FBXL18: variants seen among roughly 807,000 people sequenced by gnomAD.
FBXL18 encodes the protein F-box and leucine rich repeat protein 18.
FBXL18 carries 36 observed loss-of-function variants against 46.0 expected under a neutral mutation model. That is an observed-to-expected ratio of 0.78 (90% confidence interval 0.60 to 1.03). The LOEUF (loss-of-function observed/expected upper bound fraction) is 1.03. FBXL18 is among the 50% of genes least tolerant of loss of function. FBXL18 has a pLI of 0.00. For missense variants in FBXL18, 977 were observed against 1,004.1 expected (o/e 0.97, Z 0.36); for synonymous variants, 557 against 465.3 (o/e 1.20, Z -2.54).
intron 4 of FBXL18, among the ~76,000 whole-genome samples, chr7:5,487,167 C>G (rs986760664): frequency 1.3e-5 from 2 of 152,180 alleles, no homozygotes; most frequent in African/African-American, 4.8e-5. Context: ...CAGGGAAGGC[C>G]GGTCAGACCC....
chr7:5,474,686 T>TTTTTTTTATTTATTTATTTA (rs1554317766), downstream of FBXL18, among the ~76,000 whole-genome samples: 2 of 39,396 alleles, frequency 5.1e-5, no homozygotes, highest in African/African-American at 2.0e-4. Flanking sequence ...GCACTTTATT[T>TTTTTTTTATTTATTTATTTA]TTTATTTATT....
intron 3 of FBXL18, among the ~76,000 whole-genome samples, chr7:5,494,019 TC>T (rs1247967184): frequency 1.3e-4 from 20 of 152,096 alleles, no homozygotes; most frequent in Admixed American, 6.5e-4. Flanking sequence ...ATGCCTGTAA[TC>T]CCAGCACTTT....
intron 1 of FBXL18, among the ~76,000 whole-genome samples, chr7:5,511,870 A>G (rs138404812): frequency 6.6e-6 from 1 of 152,034 alleles, no homozygotes; most frequent in Non-Finnish European, 1.5e-5. Flanking sequence ...CTGTAATCCC[A>G]GCAATTTGGG....
At chr7:5,483,880 AAAGGG>A (rs1195752828) in intron 4 of FBXL18, among the ~76,000 whole-genome samples, 18 of 152,314 alleles carry the variant, frequency 1.2e-4, no homozygotes, top group Admixed American at 1.0e-3. Context: ...GCGGCCACTT[AAAGGG>A]AAGAGGACGA....
At chr7:5,494,779 G>A (rs117625994) in intron 3 of FBXL18, among the ~76,000 whole-genome samples, 1,991 of 152,354 alleles carry the variant, frequency 0.013, 13 homozygotes, top group Non-Finnish European at 0.022. Context: ...GGACGGTGCC[G>A]TCGTGTGGTC....
rs1562692215 is a variant in FBXL18 at position 5,491,298 on chromosome 7, T to TG, written c.1932dup (p.Met645HisfsTer57). The TG allele has an allele frequency of 3.1e-6, 5 of 1,612,758 alleles. No individual in the cohort carries two copies. Among genetic ancestry groups the TG allele is most frequent in the Non-Finnish European group, 4.2e-6 (5 of 1,179,832 alleles). On this transcript the variant is annotated frameshift_variant, in exon 4 of 5. Coordinates refer to ENST00000382368, the MANE Select transcript of FBXL18 (RefSeq NM_024963.6). LOFTEE classifies it high-confidence loss of function. ...GACTCCCCGGTGAACAGGTGGCACA[T>TG]GACAACCTGCAGGCAGCGAGCCATG...
Position 5,512,071 on chromosome 7 carries a change from T to TAA in FBXL18, c.18+1584_18+1585dup, listed in dbSNP as rs71735907. Among the ~76,000 whole-genome samples, 88 of 130,618 alleles carry TAA rather than the reference T, an allele frequency of 6.7e-4. 1 individual carries two copies. Among genetic ancestry groups the TAA allele is most frequent in the African/African-American group, 2.2e-3 (76 of 34,306 alleles). The allele number at this position is 130,618 out of a possible 152,430, so 85.7% of individuals were successfully genotyped here. A position where few individuals can be genotyped will look rare whatever the true frequency, so the allele number is the denominator to read the frequency against. ...TAACACGGTGAAACCCCGTCTCTAG[T>TAA]AAAAAAAAAAAAAAAACCAAAAAAT... On this transcript the variant is annotated intron_variant, in intron 1 of 4. Coordinates refer to ENST00000382368, the MANE Select transcript of FBXL18 (RefSeq NM_024963.6).
At chr7:5,471,811 C>T (rs1584190458), downstream of FBXL18, among the ~76,000 whole-genome samples, 2 of 152,234 alleles carry the variant, frequency 1.3e-5, no homozygotes, top group Non-Finnish European at 2.9e-5. Flanking sequence ...GTAGTGCCCC[C>T]CACAAAACAG....
chr7:5,467,746 A>C (rs1028424716), intron 4 of FBXL18, among the ~76,000 whole-genome samples: 2 of 152,076 alleles, frequency 1.3e-5, no homozygotes, highest in African/African-American at 4.8e-5. Context: ...CAGCCGTTTC[A>C]CTAAGGAGAG....
At position 5,496,219 on chromosome 7, in the gene FBXL18, T is replaced by C. The variant is rs532340539; in HGVS notation, c.1781+4269A>G. Among the ~76,000 whole-genome samples, 4 of 152,236 alleles carry C rather than the reference T, an allele frequency of 2.6e-5. No individual in the cohort carries two copies. The highest frequency in any genetic ancestry group is 7.2e-5 in the African/African-American group (3 of 41,546). Reference sequence around the variant, plus strand: ...CAACTGTGTCGACACTCAGAGGTTGTTGAGAATATCAAAGGGGTCAAGACC... The same window carrying C: ...CAACTGTGTCGACACTCAGAGGTTGCTGAGAATATCAAAGGGGTCAAGACC... On this transcript the variant is annotated intron_variant, in intron 3 of 4. Coordinates refer to ENST00000382368, the MANE Select transcript of FBXL18 (RefSeq NM_024963.6). The surrounding 1 kb of genome is among the most constrained non-coding windows in gnomAD (Gnocchi z 4.8).
chr7:5,471,016 T>C (rs4724694), downstream of FBXL18, among the ~76,000 whole-genome samples: 133,836 of 152,140 alleles, frequency 0.88, 58,940 homozygotes, highest in East Asian at 0.94. Context: ...GCTCTGTGAC[T>C]GTGCGACACG....
At chr7:5,500,413 G>T in intron 3 of FBXL18, 75 bp downstream of exon 3, 1 of 1,387,176 alleles carries the variant, frequency 7.2e-7, no homozygotes, top group Non-Finnish European at 9.8e-7. Context: ...GCCAGCCACC[G>T]AACTCCACGC....
intron 4 of FBXL18, among the ~76,000 whole-genome samples, chr7:5,462,385 T>C (rs79157490): frequency 0.04 from 6,054 of 152,298 alleles, 402 homozygotes; most frequent in African/African-American, 0.14. Flanking sequence ...GGGTACCCAC[T>C]GGTACGTTGG....
rs1562680239 is a variant in FBXL18 at position 5,477,330 on chromosome 7, G to A, written c.*4445C>T. Among the ~76,000 whole-genome samples, 1 of 152,286 alleles carries A rather than the reference G, an allele frequency of 6.6e-6. No homozygotes were observed. Among genetic ancestry groups the A allele is most frequent in the East Asian group, 1.9e-4 (1 of 5,180 alleles). On this transcript the variant is annotated 3_prime_UTR_variant, in exon 5 of 5. Transcript: ENST00000382368. This position sits in a 1 kb window ranked among gnomAD's most constrained non-coding sequence, Gnocchi z 4.4. Reference sequence around the variant, plus strand: ...CCCACGTCCACAGGAAGTGGCCGACGTCTCCTCTGCCTTTGGTTTAGTGGC... The same window carrying A: ...CCCACGTCCACAGGAAGTGGCCGACATCTCCTCTGCCTTTGGTTTAGTGGC...
Position 5,481,488 on chromosome 7 carries a change from C to A in FBXL18, c.*287G>T. 5.7e-6 allele frequency: 2 copies of A among 353,882 alleles called. No individual in the cohort carries two copies. Among genetic ancestry groups the A allele is most frequent in the South Asian group, 2.8e-5 (1 of 36,276 alleles). 21.9% of individuals were successfully genotyped at this position (353,882 alleles called of 1,614,324 possible). A position where few individuals can be genotyped will look rare whatever the true frequency, so the allele number is the denominator to read the frequency against. ...CAGGGATTGCGGCTCAGTATACAAA[C>A]CCCCCAGCCAGGCCCCAAGGGTCAG... On this transcript the variant is annotated 3_prime_UTR_variant, in exon 5 of 5. Transcript: ENST00000382368.
chr7:5,462,134 A>T (rs1232697811), intron 4 of FBXL18, among the ~76,000 whole-genome samples: 1 of 151,928 alleles, frequency 6.6e-6, no homozygotes, highest in Admixed American at 6.6e-5. Context: ...AGGCTGAGGC[A>T]GGAGAATGGC....
At position 5,455,604 on chromosome 7, in the gene FBXL18, G is replaced by C. The variant is rs1330183406; in HGVS notation, c.2001-7761C>G. Among the ~76,000 whole-genome samples, 2 of 152,156 alleles carry C rather than the reference G, an allele frequency of 1.3e-5. No individual in the cohort carries two copies. Among genetic ancestry groups the C allele is most frequent in the Non-Finnish European group, 2.9e-5 (2 of 68,024 alleles). Reference sequence around the variant, plus strand: ...TCCTATTATGGGTTTGCATTCCCATGGCGCCAAGTCGGTCCTGAGAAGATC... The same window carrying C: ...TCCTATTATGGGTTTGCATTCCCATCGCGCCAAGTCGGTCCTGAGAAGATC... On this transcript the variant is annotated intron_variant and NMD_transcript_variant, in intron 4 of 6. Coordinates refer to the FBXL18 transcript ENST00000415009. This position sits in a 1 kb window ranked among gnomAD's most constrained non-coding sequence, Gnocchi z 4.6.
chr7:5,483,577 T>C (rs796184551), intron 4 of FBXL18, among the ~76,000 whole-genome samples: 96 of 151,872 alleles, frequency 6.3e-4, no homozygotes, highest in African/African-American at 2.2e-3. Context: ...AAACCCCATC[T>C]CTACTAATAA....
rs140042389 is a variant in FBXL18, at chr7:5,495,545, C to G, written c.1782-4096G>C. Among the ~76,000 whole-genome samples, 1,383 of 152,334 alleles carry G rather than the reference C, an allele frequency of 9.1e-3. 10 individuals are homozygous for G. Among genetic ancestry groups the G allele is most frequent in the Middle Eastern group, 0.024 (7 of 294 alleles). On this transcript the variant is annotated intron_variant, in intron 3 of 4. Transcript: ENST00000382368. Reference sequence around the variant, plus strand: ...GAGCGACTCCTTCCTGCACCACCCCCTCCCTGCCAGGAGCCCCAGCAAGCA... The same window carrying G: ...GAGCGACTCCTTCCTGCACCACCCCGTCCCTGCCAGGAGCCCCAGCAAGCA...
Sources: allele counts gnomAD v4.1 joint callset (sites outside exome capture counted in the v4.1 genomes callset), GRCh38; gene constraint gnomAD v4.1.1; non-coding constraint Gnocchi (gnomAD v3.1); transcripts MANE v1.5; gene names NCBI Gene and HGNC (gene_info 2026-07-23, HGNC 2026-07-21).